THSD7A: variants seen among roughly 807,000 people sequenced by gnomAD.
THSD7A encodes thrombospondin type-1 domain-containing protein 7A.
THSD7A carries 96 observed loss-of-function variants against 231.3 expected under a neutral mutation model. The observed-to-expected ratio is 0.41, with a 90% CI of 0.35 to 0.49. THSD7A has a LOEUF of 0.49. Among genes scored for constraint, THSD7A ranks in the 20% least tolerant of loss-of-function variants. The pLI, the probability that THSD7A is intolerant of heterozygous loss-of-function variation, is 0.05. For synonymous variants in THSD7A, 940 were observed against 743.3 expected, an observed-to-expected ratio of 1.26 and a Z score of -4.30; for missense variants, 2,290 against 2,070.2, an observed-to-expected ratio of 1.11 and a Z score of -2.06.
intron 1 of THSD7A, among the ~76,000 whole-genome samples, chr7:11,799,569 T>C (rs1419551925): frequency 6.6e-6 from 1 of 152,196 alleles, no homozygotes; most frequent in Non-Finnish European, 1.5e-5. Flanking sequence ...ATCAATCTTC[T>C]TAAATAAATA....
Position 11,408,230 on chromosome 7 carries a change from C to T in THSD7A, c.3799-807G>A, listed in dbSNP as rs538888631. Among the ~76,000 whole-genome samples the T allele has an allele frequency of 2.0e-4, 30 of 152,070 alleles. No homozygotes were observed. In the East Asian group the frequency reaches 3.3e-3, roughly 17 times the overall value. On this transcript the variant is annotated intron_variant, in intron 19 of 27. Transcript: ENST00000423059. ...AGTATTGAAATAGGAAAATGTTGGC[C>T]GGGTGCGGTGGCTCATGCCTGTAAT...
intron 4 of THSD7A, among the ~76,000 whole-genome samples, chr7:11,549,044 T>C (rs945465541): frequency 4.6e-5 from 7 of 151,702 alleles, no homozygotes; most frequent in African/African-American, 1.7e-4. Context: ...ACAAGGAACT[T>C]AAATTTAAAA....
intron 1 of THSD7A, among the ~76,000 whole-genome samples, chr7:11,642,025 T>C (rs1242617785): frequency 6.6e-6 from 1 of 152,110 alleles, no homozygotes; most frequent in South Asian, 2.1e-4. Context: ...CATCTAAAAA[T>C]CCTCTTGAAA....
At chr7:11,400,832 T>C (rs1402222310) in intron 23 of THSD7A, among the ~76,000 whole-genome samples, 1 of 152,206 alleles carries the variant, frequency 6.6e-6, no homozygotes, top group Admixed American at 6.5e-5. Context: ...TACTATGTCA[T>C]ATTACTTATT....
At chr7:11,531,349 C>T (rs557647208) in intron 6 of THSD7A, among the ~76,000 whole-genome samples, 10 of 152,254 alleles carry the variant, frequency 6.6e-5, no homozygotes, top group South Asian at 4.1e-4. Flanking sequence ...AAAAACATGT[C>T]GGTTCTGGTC....
At chr7:11,785,851 C>T (rs1022199250) in intron 1 of THSD7A, among the ~76,000 whole-genome samples, 1 of 152,016 alleles carries the variant, frequency 6.6e-6, no homozygotes, top group African/African-American at 2.4e-5. Flanking sequence ...AAATAATAGG[C>T]TAATTCTTTA....
intron 2 of THSD7A, among the ~76,000 whole-genome samples, chr7:11,628,835 T>G (rs1781558064): frequency 6.6e-6 from 1 of 152,160 alleles, no homozygotes; most frequent in South Asian, 2.1e-4. Flanking sequence ...ACATAGCTAT[T>G]ATTTCTCAAT....
At chr7:11,805,776 G>T (rs902634520) in intron 1 of THSD7A, among the ~76,000 whole-genome samples, 2 of 151,994 alleles carry the variant, frequency 1.3e-5, no homozygotes, top group African/African-American at 2.4e-5. Context: ...CTATTCAGAA[G>T]TGTTTTTATA....
At chr7:11,697,211 A>C (rs1430315786) in intron 1 of THSD7A, among the ~76,000 whole-genome samples, 2 of 151,446 alleles carry the variant, frequency 1.3e-5, no homozygotes, top group African/African-American at 4.8e-5. Context: ...GCCATTGGCC[A>C]ACCTGTCTTT....
intron 1 of THSD7A, among the ~76,000 whole-genome samples, chr7:11,675,217 G>A (rs75508284): frequency 0.045 from 6,769 of 152,104 alleles, 488 homozygotes; most frequent in African/African-American, 0.15. Context: ...CCTGCTGTGA[G>A]GGACAGTGCT....
chr7:11,603,876 G>T (rs1488813407), intron 2 of THSD7A, among the ~76,000 whole-genome samples: 5 of 132,358 alleles, frequency 3.8e-5, no homozygotes, highest in African/African-American at 1.4e-4. Context: ...TGGGGACTGT[G>T]GTGGGGTGGG....
At chr7:11,828,265 C>A (rs28472349) in intron 1 of THSD7A, among the ~76,000 whole-genome samples, 3,584 of 152,260 alleles carry the variant, frequency 0.024, 149 homozygotes, top group African/African-American at 0.082. Context: ...ATTGCTATCC[C>A]ACATCCTGGG....
intron 4 of THSD7A, among the ~76,000 whole-genome samples, chr7:11,559,480 A>G (rs1557878): frequency 0.12 from 17,917 of 146,846 alleles, 2,170 homozygotes; most frequent in African/African-American, 0.31. Context: ...CTCCACCTTA[A>G]AATTTTAAGG....
intron 16 of THSD7A, among the ~76,000 whole-genome samples, chr7:11,423,941 G>T (rs1784235476): frequency 6.6e-6 from 1 of 152,176 alleles, no homozygotes; most frequent in African/African-American, 2.4e-5. Context: ...AATATGTGGG[G>T]TCTCTGTTTT....
intron 2 of THSD7A, among the ~76,000 whole-genome samples, chr7:11,595,861 A>G (rs1347069841): frequency 6.6e-6 from 1 of 152,252 alleles, no homozygotes; most frequent in African/African-American, 2.4e-5. Context: ...AGGCGGGCAT[A>G]GCTATCGTAA....
At chr7:11,716,333 G>C (rs1317797663) in intron 1 of THSD7A, among the ~76,000 whole-genome samples, 1 of 151,472 alleles carries the variant, frequency 6.6e-6, no homozygotes, top group African/African-American at 2.4e-5. Context: ...CACATAGCAG[G>C]TGATAATAAT....
At position 11,597,432 on chromosome 7, in the gene THSD7A, A is replaced by G. The variant is rs530932125; in HGVS notation, c.1023-3930T>C. On this transcript the variant is annotated intron_variant, in intron 2 of 27. Coordinates refer to ENST00000423059, the MANE Select transcript of THSD7A (RefSeq NM_015204.3). ...GTCCAGAACAGGAGAAGGCTCTGCA[A>G]TGGGTCCAGGCTGCTGTGCAAGCTG... Among the ~76,000 whole-genome samples the G allele has an allele frequency of 7.9e-5, 12 of 152,292 alleles. No individual in the cohort carries two copies. In the East Asian group the frequency reaches 2.1e-3, roughly 27 times the overall value.
intron 24 of THSD7A, among the ~76,000 whole-genome samples, chr7:11,382,243 ATTAT>A (rs963001449): frequency 2.0e-5 from 3 of 152,148 alleles, no homozygotes; most frequent in Admixed American, 6.6e-5. Context: ...AGATCTGAAA[ATTAT>A]TTATAACAAT....
intron 1 of THSD7A, among the ~76,000 whole-genome samples, chr7:11,645,543 T>C (rs1782247894): frequency 1.3e-5 from 2 of 151,850 alleles, no homozygotes; most frequent in South Asian, 4.1e-4. Flanking sequence ...TACAAGTTTG[T>C]TATAAGGCAA....
Sources: allele counts gnomAD v4.1 joint callset (sites outside exome capture counted in the v4.1 genomes callset), GRCh38; gene constraint gnomAD v4.1.1; transcripts MANE v1.5; gene names NCBI Gene and HGNC (gene_info 2026-07-23, HGNC 2026-07-21).